Variants in ZNF75D observed in about 807,000 individuals in gnomAD.
ZNF75D encodes the protein zinc finger protein 75.
In ZNF75D, 33 loss-of-function variants were observed where a neutral mutation model predicts 33.3. The observed-to-expected ratio is 0.99, with a 90% CI of 0.75 to 1.32. The LOEUF (loss-of-function observed/expected upper bound fraction) is 1.32, where lower values mean the gene tolerates loss of function less well. Among genes scored for constraint, ZNF75D ranks in the 40% most tolerant of loss-of-function variants. The pLI is 0.00. For missense variants in ZNF75D, 338 were observed against 367.5 expected, an observed-to-expected ratio of 0.92 and a Z score of 0.66; for synonymous variants, 113 against 130.6, an observed-to-expected ratio of 0.87 and a Z score of 0.92.
chrX:135,324,076 T>C (rs1302239804), intron 1 of ZNF75D, among the ~76,000 whole-genome samples: 1 of 110,989 alleles, frequency 9.0e-6, no homozygotes, highest in East Asian at 2.8e-4. Flanking sequence ...ACCGAGGCTT[T>C]CTGGGGAGAG....
At position 135,323,989 on chromosome X, in the gene ZNF75D, G is replaced by GCACA. The variant is rs34146473; in HGVS notation, c.-391+17775_-391+17778dup. On this transcript the variant is annotated intron_variant, in intron 1 of 6. Transcript: ENST00000370766. ...GCTCACTGTACCAATACTTGTTGCA[G>GCACA]CACACACACACACACACACACACAC... Among the ~76,000 whole-genome samples the GCACA allele has an allele frequency of 6.6e-3, 645 of 97,604 alleles. 3 individuals are homozygous for GCACA. Among genetic ancestry groups the GCACA allele is most frequent in the South Asian group, 0.014 (29 of 2,056 alleles). 84.8% of individuals were successfully genotyped at this position (97,604 alleles called of 115,157 possible). A position where few individuals can be genotyped will look rare whatever the true frequency, so the allele number is the denominator to read the frequency against.
downstream of ZNF75D, among the ~76,000 whole-genome samples, chrX:135,283,586 C>T (rs1052327443): frequency 9.0e-6 from 1 of 111,695 alleles, no homozygotes; most frequent in African/African-American, 3.3e-5. Flanking sequence ...TCTGCCTTTC[C>T]ACTCTCAGTT....
At chrX:135,277,024 G>A in intron 1 of ZNF75D, among the ~76,000 whole-genome samples, 1 of 111,868 alleles carries the variant, frequency 8.9e-6, no homozygotes, top group South Asian at 3.7e-4. Flanking sequence ...CGATTGCTGG[G>A]TCAAATGGTA....
intron 1 of ZNF75D, among the ~76,000 whole-genome samples, chrX:135,275,100 TA>T (rs2083895034): frequency 8.9e-6 from 1 of 112,245 alleles, no homozygotes; most frequent in African/African-American, 3.2e-5. Context: ...AACCAGTAAA[TA>T]GGGGGAAAAG....
intron 1 of ZNF75D, among the ~76,000 whole-genome samples, chrX:135,270,001 G>T (rs1315875310): frequency 9.0e-6 from 1 of 110,572 alleles, no homozygotes; most frequent in Non-Finnish European, 1.9e-5. Flanking sequence ...ACAAAAAGAT[G>T]AACATCACAT....
chrX:135,281,878 G>A (rs2083921170), downstream of ZNF75D, among the ~76,000 whole-genome samples: 1 of 112,162 alleles, frequency 8.9e-6, no homozygotes, highest in Non-Finnish European at 1.9e-5. Context: ...TCCCAGAGGG[G>A]CACCTGCCAG....
intron 1 of ZNF75D, among the ~76,000 whole-genome samples, chrX:135,316,617 T>C (rs2084423610): frequency 8.9e-6 from 1 of 111,773 alleles, no homozygotes; most frequent in Admixed American, 9.5e-5. Flanking sequence ...CTTTGCCTTT[T>C]GGGACACCAA....
At chrX:135,304,007 C>T (rs1232113503) in intron 1 of ZNF75D, among the ~76,000 whole-genome samples, 14 of 112,476 alleles carry the variant, frequency 1.2e-4, no homozygotes, top group Admixed American at 1.2e-3. Context: ...GAAGTTGTAG[C>T]TTCTCAGCAT....
chrX:135,314,816 T>C (rs1413573600), intron 1 of ZNF75D, among the ~76,000 whole-genome samples: 7 of 112,039 alleles, frequency 6.2e-5, no homozygotes, highest in African/African-American at 2.3e-4. Flanking sequence ...GTATCAATTG[T>C]AATGCCTCCT....
chrX:135,281,606 T>A (rs150011475), downstream of ZNF75D, among the ~76,000 whole-genome samples: 1,099 of 112,243 alleles, frequency 9.8e-3, 12 homozygotes, highest in African/African-American at 0.033. Flanking sequence ...GTGCTGTTTT[T>A]TCCTCATCTT....
chrX:135,298,641 T>G (rs1170768198), intron 1 of ZNF75D: 2 of 112,118 alleles, frequency 1.8e-5, no homozygotes, highest in Non-Finnish European at 3.8e-5. Context: ...TTCATTCATT[T>G]AAAGTATTCT....
At chrX:135,292,891 C>T (rs73574661) in intron 3 of ZNF75D, among the ~76,000 whole-genome samples, 2,593 of 112,421 alleles carry the variant, frequency 0.023, 74 homozygotes, top group African/African-American at 0.079. Context: ...AATAAACTTT[C>T]CTGTTAGCCA....
chrX:135,293,609 G>C, intron 3 of ZNF75D, 121 bp downstream of exon 3: 1 of 650,234 alleles, frequency 1.5e-6, no homozygotes, highest in African/African-American at 2.2e-5. Context: ...ATCCTTGCTA[G>C]CTGTCCTAAA....
rs1310511435 is a variant in ZNF75D, at chrX:135,342,839, C to G, written c.-1462G>C. 1 of 111,378 alleles carries G rather than the reference C, an allele frequency of 9.0e-6. No individual in the cohort carries two copies. The highest frequency in any genetic ancestry group is 3.3e-5 in the African/African-American group (1 of 30,535). 9.2% of individuals were successfully genotyped at this position (111,378 alleles called of 1,213,427 possible). The stretch of plus-strand genomic sequence containing the variant: ...AAACAACCCCAGAAGGGTCTATTAC[C>G]CTTTCTGCATTTGACCAGTGCAGAA... On this transcript the variant is annotated 5_prime_UTR_variant, in exon 1 of 7. Coordinates refer to ENST00000370766, the MANE Select transcript of ZNF75D (RefSeq NM_007131.5).
intron 6 of ZNF75D, among the ~76,000 whole-genome samples, chrX:135,288,478 C>G (rs925617529): frequency 8.9e-6 from 1 of 112,480 alleles, no homozygotes; most frequent in Non-Finnish European, 1.9e-5. Context: ...GCATATTTCA[C>G]TATATTTGTT....
At chrX:135,328,391 T>G (rs1320358029) in intron 1 of ZNF75D, among the ~76,000 whole-genome samples, 2 of 111,460 alleles carry the variant, frequency 1.8e-5, no homozygotes, top group African/African-American at 6.5e-5. Context: ...CCCAAACTAA[T>G]TGGGTTCACA....
At chrX:135,334,800 T>C (rs1200483467) in intron 1 of ZNF75D, among the ~76,000 whole-genome samples, 1 of 111,782 alleles carries the variant, frequency 8.9e-6, no homozygotes, top group Non-Finnish European at 1.9e-5. Context: ...TGTATATTTA[T>C]TATACATGTG....
chrX:135,332,258 T>C (rs1406333241), intron 1 of ZNF75D, among the ~76,000 whole-genome samples: 1 of 111,586 alleles, frequency 9.0e-6, no homozygotes, highest in Non-Finnish European at 1.9e-5. Flanking sequence ...CACCATCATA[T>C]TGAGTGAGAA....
chrX:135,264,820 G>A (rs868956500), intron 1 of ZNF75D, among the ~76,000 whole-genome samples: 61 of 110,972 alleles, frequency 5.5e-4, no homozygotes, highest in African/African-American at 2.0e-3. Flanking sequence ...CTGAAGACAG[G>A]ATGTTTGAAA....
Sources: allele counts gnomAD v4.1 joint callset (sites outside exome capture counted in the v4.1 genomes callset), GRCh38; gene constraint gnomAD v4.1.1; transcripts MANE v1.5; gene names NCBI Gene and HGNC (gene_info 2026-07-23, HGNC 2026-07-21).